Variants in FAF1 observed in about 807,000 individuals in gnomAD.
FAF1 encodes the protein FAS-associated factor 1.
FAF1 carries 25 observed loss-of-function variants against 92.5 expected under a neutral mutation model. The observed-to-expected ratio is 0.27, with a 90% CI of 0.20 to 0.38. FAF1 has a LOEUF of 0.38. Among genes scored for constraint, FAF1 ranks in the 10% least tolerant of loss-of-function variants. The probability of loss-of-function intolerance (pLI) is 1.00; values close to 1 mark genes in which losing one functional copy is unlikely to be tolerated. For synonymous variants in FAF1, 234 were observed against 273.2 expected, an observed-to-expected ratio of 0.86 and a Z score of 1.42; for missense variants, 636 against 793.3, an observed-to-expected ratio of 0.80 and a Z score of 2.38.
At chr1:50,738,148 T>A (rs1260069140) in intron 6 of FAF1, among the ~76,000 whole-genome samples, 1 of 152,056 alleles carries the variant, frequency 6.6e-6, no homozygotes, top group African/African-American at 2.4e-5. Context: ...AAAATCTTAA[T>A]AAAAAATTTA....
chr1:50,860,145 T>C (rs1644420798), intron 1 of FAF1, among the ~76,000 whole-genome samples: 1 of 151,858 alleles, frequency 6.6e-6, no homozygotes. Context: ...CCTCAAACTA[T>C]AAGAATCTAG....
intron 2 of FAF1, among the ~76,000 whole-genome samples, chr1:50,810,681 T>C (rs991427262): frequency 6.6e-6 from 1 of 152,162 alleles, no homozygotes; most frequent in Non-Finnish European, 1.5e-5. Flanking sequence ...CTAGAAAACC[T>C]CATAGTTTCT....
chr1:50,633,876 C>G (rs975090998), intron 8 of FAF1, among the ~76,000 whole-genome samples: 2 of 152,166 alleles, frequency 1.3e-5, no homozygotes, highest in Non-Finnish European at 2.9e-5. Context: ...CATCTGAATC[C>G]ACAGCATTCA....
rs1368735601 is a variant in FAF1, at chr1:50,437,811, T to G, written c.*3629A>C. 2 of 151,880 alleles carry G rather than the reference T, an allele frequency of 1.3e-5. No homozygotes were observed. The highest frequency in any genetic ancestry group is 2.9e-5 in the Non-Finnish European group (2 of 67,984). 9.4% of individuals were successfully genotyped at this position (151,880 alleles called of 1,614,324 possible). A position where few individuals can be genotyped will look rare whatever the true frequency, so the allele number is the denominator to read the frequency against. On this transcript the variant is annotated 3_prime_UTR_variant, in exon 19 of 19. Transcript: ENST00000396153. ...GCTGAGGTGGGCCGATTACCTGAGGTCAGGAGTTCTAGACCAGCCTGGCCA... is the reference window on the plus strand; with the variant it reads ...GCTGAGGTGGGCCGATTACCTGAGGGCAGGAGTTCTAGACCAGCCTGGCCA...
At chr1:50,908,701 C>CT (rs561269046) in intron 1 of FAF1, among the ~76,000 whole-genome samples, 4,643 of 150,372 alleles carry the variant, frequency 0.031, 236 homozygotes, top group African/African-American at 0.11. Context: ...CAACCCCTGC[C>CT]TTTTTTTTTG....
chr1:50,445,082 A>G (rs1393051644), intron 18 of FAF1, among the ~76,000 whole-genome samples: 1 of 152,152 alleles, frequency 6.6e-6, no homozygotes, highest in East Asian at 1.9e-4. Context: ...GGTAGGGACA[A>G]TTATTTTTAT....
At chr1:50,666,532 C>T (rs562174622) in intron 7 of FAF1, among the ~76,000 whole-genome samples, 3 of 151,936 alleles carry the variant, frequency 2.0e-5, no homozygotes, top group South Asian at 2.1e-4. Context: ...ATAATTGTAA[C>T]GTGTATGAAT....
chr1:50,610,978 T>C (rs10888699), intron 8 of FAF1, among the ~76,000 whole-genome samples: 151,905 of 152,358 alleles, frequency 1, 75,729 homozygotes, highest in Middle Eastern at 1. Context: ...TTCCCAGGGT[T>C]GAGCTTTGTG....
At chr1:50,944,615 C>T (rs1645159624) in intron 1 of FAF1, among the ~76,000 whole-genome samples, 1 of 152,172 alleles carries the variant, frequency 6.6e-6, no homozygotes, top group South Asian at 2.1e-4. Context: ...CATTATGGTC[C>T]CCACTGTCTA....
chr1:50,729,804 C>T (rs893720996), intron 6 of FAF1, among the ~76,000 whole-genome samples: 4 of 151,908 alleles, frequency 2.6e-5, no homozygotes, highest in African/African-American at 7.2e-5. Flanking sequence ...AGGTGGATCA[C>T]GAAGTCAAGA....
chr1:50,769,893 A>G (rs1660716719), intron 4 of FAF1, among the ~76,000 whole-genome samples: 1 of 152,124 alleles, frequency 6.6e-6, no homozygotes, highest in Non-Finnish European at 1.5e-5. Flanking sequence ...TCTACAAAAA[A>G]TACAAAAATT....
intron 13 of FAF1, among the ~76,000 whole-genome samples, chr1:50,561,768 G>A (rs763392872): frequency 1.2e-4 from 19 of 152,086 alleles, no homozygotes; most frequent in Non-Finnish European, 2.2e-4. Context: ...GGAGGTTGCA[G>A]TGAGCTGGAT....
chr1:50,800,164 A>T (rs936010973), intron 3 of FAF1, among the ~76,000 whole-genome samples: 8 of 152,220 alleles, frequency 5.3e-5, no homozygotes, highest in Admixed American at 3.9e-4. Flanking sequence ...AAATATATTA[A>T]ATAAAAAGTA....
chr1:50,637,521 A>G (rs1654089710), intron 8 of FAF1, among the ~76,000 whole-genome samples: 1 of 151,766 alleles, frequency 6.6e-6, no homozygotes, highest in Non-Finnish European at 1.5e-5. Context: ...ACATTTCCAT[A>G]CAATTTTTGG....
intron 15 of FAF1, among the ~76,000 whole-genome samples, chr1:50,509,586 T>C (rs1322404540): frequency 6.6e-6 from 1 of 152,144 alleles, no homozygotes; most frequent in East Asian, 1.9e-4. Context: ...CATTCTAGCT[T>C]GGGCAATGGA....
intron 17 of FAF1, among the ~76,000 whole-genome samples, chr1:50,485,388 C>T (rs890680756): frequency 5.3e-5 from 8 of 151,848 alleles, no homozygotes; most frequent in Admixed American, 2.0e-4. Context: ...TGAGGCTGGG[C>T]GCGGTGGCTC....
chr1:50,749,944 CA>C (rs1425126019), intron 4 of FAF1, among the ~76,000 whole-genome samples: 1 of 152,002 alleles, frequency 6.6e-6, no homozygotes, highest in African/African-American at 2.4e-5. Context: ...CTAAGGAACT[CA>C]AAAAATGTTA....
At chr1:50,819,637 CT>C (rs1211187296) in intron 2 of FAF1, among the ~76,000 whole-genome samples, 3 of 103,322 alleles carry the variant, frequency 2.9e-5, no homozygotes, top group Admixed American at 2.0e-4. Context: ...GACTGACTCA[CT>C]CACACACACA....
intron 1 of FAF1, among the ~76,000 whole-genome samples, chr1:50,953,666 G>A (rs958189921): frequency 2.0e-5 from 3 of 151,770 alleles, no homozygotes; most frequent in Non-Finnish European, 4.4e-5. Context: ...TTGAACCCAG[G>A]AGGCAGAGGT....
Sources: allele counts gnomAD v4.1 joint callset (sites outside exome capture counted in the v4.1 genomes callset), GRCh38; gene constraint gnomAD v4.1.1; transcripts MANE v1.5; gene names NCBI Gene and HGNC (gene_info 2026-07-23, HGNC 2026-07-21).